The following USP45 variants were observed in gnomAD, a reference collection of about 807,000 sequenced individuals.
USP45 encodes ubiquitin specific peptidase 45.
In USP45, 89 loss-of-function variants were observed where a neutral mutation model predicts 95.8. The observed-to-expected ratio is 0.93, with a 90% CI of 0.78 to 1.11. The LOEUF is 1.11. Ranked by LOEUF, USP45 falls within the 50% of genes least tolerant of loss-of-function variation. USP45 has a pLI of 0.00. For missense variants in USP45, 898 were observed against 942.5 expected (o/e 0.95, Z 0.62); for synonymous variants, 281 against 316.2 (o/e 0.89, Z 1.18).
At chr6:99,472,251 T>C (rs1305059150) in intron 9 of USP45, among the ~76,000 whole-genome samples, 1 of 145,184 alleles carries the variant, frequency 6.9e-6, no homozygotes, top group East Asian at 2.0e-4. Flanking sequence ...CGTGTCTCAC[T>C]CCCTCACCCA....
chr6:99,445,732 T>G, intron 14 of USP45, 65 bp downstream of exon 14: 94 of 1,218,658 alleles, frequency 7.7e-5, no homozygotes, highest in Non-Finnish European at 9.6e-5. Context: ...AAATTCTCAG[T>G]GAAATTTGTA....
chr6:99,463,930 TA>T (rs776531202), intron 13 of USP45, among the ~76,000 whole-genome samples: 1 of 150,682 alleles, frequency 6.6e-6, no homozygotes, highest in Non-Finnish European at 1.5e-5. Flanking sequence ...GAAATTTAAA[TA>T]ATGACTGAAT....
chr6:99,454,207 G>A (rs2128585440), intron 13 of USP45, among the ~76,000 whole-genome samples: 1 of 152,238 alleles, frequency 6.6e-6, no homozygotes. Context: ...ACAAACACTG[G>A]GGGAAGGACG....
chr6:99,511,160 GA>G (rs1345449433), intron 1 of USP45, among the ~76,000 whole-genome samples: 1 of 149,828 alleles, frequency 6.7e-6, no homozygotes, highest in Non-Finnish European at 1.5e-5. Flanking sequence ...ATACTAATTA[GA>G]TTCCACATTT....
At chr6:99,501,738 ACGT>A in intron 5 of USP45, 1 of 288,878 alleles carries the variant, frequency 3.5e-6, no homozygotes, top group Non-Finnish European at 6.1e-6. Context: ...CTCTTAACAT[ACGT>A]TATGTATTAT....
Position 99,448,191 on chromosome 6 carries a change from G to C in USP45, c.1309-1728C>G, listed in dbSNP as rs927882776. ...CAGCAACGGAACAAAGCTGGACGGA[G>C]AATGACTTTGACGAGTTGAGAGAAG... On this transcript the variant is annotated intron_variant, in intron 13 of 17. Coordinates refer to ENST00000500704, the MANE Select transcript of USP45 (RefSeq NM_001346022.3). Among the ~76,000 whole-genome samples the C allele has an allele frequency of 2.6e-5, 4 of 152,236 alleles. No homozygotes were observed. The East Asian group carries it at 7.7e-4, about 29-fold the overall frequency.
At chr6:99,474,116 G>T (rs1051318833) in intron 9 of USP45, among the ~76,000 whole-genome samples, 3 of 152,154 alleles carry the variant, frequency 2.0e-5, no homozygotes, top group African/African-American at 7.2e-5. Flanking sequence ...AAACTTTAAA[G>T]AAAATATTAG....
chr6:99,488,543 A>T, intron 6 of USP45, 138 bp downstream of exon 6: 1 of 956,020 alleles, frequency 1.0e-6, no homozygotes. Flanking sequence ...TGATGGCCCA[A>T]GATAGCGTAA....
At chr6:99,443,532 G>A in intron 15 of USP45, 33 bp downstream of exon 15, 1 of 1,462,658 alleles carries the variant, frequency 6.8e-7, no homozygotes, top group Non-Finnish European at 9.5e-7. Flanking sequence ...TAAAACACAT[G>A]ATGAAAATTA....
intron 5 of USP45, among the ~76,000 whole-genome samples, chr6:99,490,775 AAAC>A (rs1794997946): frequency 6.6e-6 from 1 of 152,102 alleles, no homozygotes; most frequent in Non-Finnish European, 1.5e-5. Context: ...CCACTTCTGT[AAAC>A]AACATTAAAG....
intron 5 of USP45, among the ~76,000 whole-genome samples, chr6:99,494,974 A>AAT (rs1795993853): frequency 6.6e-6 from 1 of 152,182 alleles, no homozygotes; most frequent in Non-Finnish European, 1.5e-5. Flanking sequence ...ATTTTAGGTG[A>AAT]ATATCTTTAG....
intron 13 of USP45, among the ~76,000 whole-genome samples, chr6:99,456,120 G>A (rs1389830393): frequency 2.4e-5 from 3 of 126,812 alleles, no homozygotes; most frequent in South Asian, 2.9e-4. Flanking sequence ...GCAACAGAGC[G>A]AGACTCTGTC....
At position 99,466,668 on chromosome 6, in the gene USP45, C is replaced by A; in HGVS notation, c.1107+4G>T. On this transcript the variant is annotated splice_donor_region_variant and intron_variant, in intron 11 of 17. Transcript: ENST00000500704. ...CATGCTGAATTGAATTCTAAAGTAC[C>A]TACATTTGCACATTCTTCACACATG... 1 of 1,607,952 alleles carries A rather than the reference C, an allele frequency of 6.2e-7. No homozygotes were observed. The highest frequency in any genetic ancestry group is 1.1e-5 in the South Asian group (1 of 90,664).
chr6:99,435,962 G>GA (rs1367705042), intron 17 of USP45, 116 bp from the exon 18 acceptor site: 1 of 1,102,568 alleles, frequency 9.1e-7, no homozygotes, highest in East Asian at 2.8e-5. Context: ...TTTTACCTGA[G>GA]AAGCCTGTTT....
chr6:99,507,600 T>C (rs2128804944), intron 3 of USP45, 69 bp from the exon 4 acceptor site: 2 of 1,098,074 alleles, frequency 1.8e-6, no homozygotes, highest in South Asian at 1.3e-5. Context: ...AAAACTTAAA[T>C]TATACTCACA....
intron 5 of USP45, among the ~76,000 whole-genome samples, chr6:99,502,757 T>C (rs1489017867): frequency 6.6e-6 from 1 of 152,206 alleles, no homozygotes; most frequent in East Asian, 1.9e-4. Flanking sequence ...TCCATCACTT[T>C]GGTGCTGTTC....
At chr6:99,445,387 G>A (rs2128550676) in intron 14 of USP45, among the ~76,000 whole-genome samples, 1 of 151,974 alleles carries the variant, frequency 6.6e-6, no homozygotes, top group Middle Eastern at 3.4e-3. Context: ...GGAGGCTGAG[G>A]CAGAATAATC....
At chr6:99,482,162 T>C (rs1427280437) in intron 8 of USP45, 1 of 152,214 alleles carries the variant, frequency 6.6e-6, no homozygotes, top group African/African-American at 2.4e-5. Flanking sequence ...GGTGCATTTG[T>C]GACGCAATAT....
At chr6:99,482,111 T>G (rs1792573020) in intron 8 of USP45, among the ~76,000 whole-genome samples, 1 of 152,196 alleles carries the variant, frequency 6.6e-6, no homozygotes, top group South Asian at 2.1e-4. Context: ...CATATTTTAG[T>G]AATTGTGGAC....
Sources: gnomAD v4.1 joint callset for allele counts (sites outside exome capture counted in the v4.1 genomes callset) on GRCh38, gnomAD v4.1.1 for gene constraint, MANE v1.5 for transcripts, NCBI Gene and HGNC (gene_info 2026-07-23, HGNC 2026-07-21) for gene names.